MDFIC2: variants seen among roughly 807,000 people sequenced by gnomAD.
MDFIC2 encodes the protein myoD family inhibitor domain-containing protein 2.
chr3:70,224,036 T>C (rs1271458801), intron 2 of MDFIC2, among the ~76,000 whole-genome samples: 1 of 152,130 alleles, frequency 6.6e-6, no homozygotes, highest in Non-Finnish European at 1.5e-5. Flanking sequence ...TCCCCATATA[T>C]CTTGATCTCT....
chr3:70,226,737 TA>T (rs369777217), intron 2 of MDFIC2, among the ~76,000 whole-genome samples: 3,467 of 121,346 alleles, frequency 0.029, 106 homozygotes, highest in African/African-American at 0.084. Flanking sequence ...GACTCTGTCT[TA>T]AAAAAAAAAA....
intron 2 of MDFIC2, among the ~76,000 whole-genome samples, chr3:70,308,974 G>A (rs1242351432): frequency 6.6e-6 from 1 of 152,190 alleles, no homozygotes; most frequent in Non-Finnish European, 1.5e-5. Flanking sequence ...GTTCCAGAGG[G>A]AGGCAGCAGA....
chr3:70,200,452 C>T (rs1415580175), intron 3 of MDFIC2, among the ~76,000 whole-genome samples: 2 of 152,176 alleles, frequency 1.3e-5, no homozygotes, highest in Non-Finnish European at 2.9e-5. Context: ...TTGGAATGCA[C>T]ATGGCTCAGG....
chr3:70,228,252 G>A (rs1192839333), intron 2 of MDFIC2, among the ~76,000 whole-genome samples: 1 of 151,952 alleles, frequency 6.6e-6, no homozygotes, highest in Admixed American at 6.6e-5. Flanking sequence ...ATGCCAAGAT[G>A]CTGAAGAAAA....
At chr3:70,250,210 G>C (rs1351208971) in intron 2 of MDFIC2, among the ~76,000 whole-genome samples, 1 of 152,094 alleles carries the variant, frequency 6.6e-6, no homozygotes, top group Non-Finnish European at 1.5e-5. Flanking sequence ...AACTTCTTGA[G>C]TTGGGCCTCT....
At chr3:70,288,637 C>T (rs1207009353) in intron 2 of MDFIC2, among the ~76,000 whole-genome samples, 1 of 151,646 alleles carries the variant, frequency 6.6e-6, no homozygotes, top group Non-Finnish European at 1.5e-5. Flanking sequence ...TCTCGTTGAT[C>T]CGTCTAATGT....
intron 3 of MDFIC2, chr3:70,204,807 AGAGTGATTCTG>A (rs1297612390): frequency 1.3e-5 from 2 of 152,112 alleles, no homozygotes; most frequent in African/African-American, 4.8e-5. Context: ...AGGTCAGATC[AGAGTGATTCTG>A]GAGGGAAAGT....
chr3:70,237,683 T>C (rs1218134212), intron 2 of MDFIC2, among the ~76,000 whole-genome samples: 2 of 152,216 alleles, frequency 1.3e-5, no homozygotes, highest in Non-Finnish European at 2.9e-5. Context: ...AACCTTTTGT[T>C]ATCTAACATG....
At chr3:70,206,449 A>T (rs1289699878) in intron 3 of MDFIC2, 120 bp downstream of exon 3, 20 of 394,796 alleles carry the variant, frequency 5.1e-5, no homozygotes, top group Non-Finnish European at 1.8e-5. Flanking sequence ...TTTCAAATCG[A>T]AGTCTTCGTG....
At chr3:70,300,212 T>C (rs530790348) in intron 2 of MDFIC2, among the ~76,000 whole-genome samples, 1 of 152,178 alleles carries the variant, frequency 6.6e-6, no homozygotes, top group East Asian at 1.9e-4. Flanking sequence ...ACCTCAAATA[T>C]AGAGGTAAAC....
intron 2 of MDFIC2, among the ~76,000 whole-genome samples, chr3:70,286,716 T>G (rs1202935882): frequency 1.4e-4 from 22 of 152,226 alleles, no homozygotes; most frequent in Admixed American, 5.2e-4. Context: ...CCATTTCTTT[T>G]TATCCTCTTT....
intron 2 of MDFIC2, among the ~76,000 whole-genome samples, chr3:70,289,786 C>T (rs928666603): frequency 6.6e-6 from 1 of 152,046 alleles, no homozygotes; most frequent in African/African-American, 2.4e-5. Flanking sequence ...TCTAAACTTT[C>T]CTTCTCGCTT....
At chr3:70,299,328 G>A (rs1381346801) in intron 2 of MDFIC2, among the ~76,000 whole-genome samples, 2 of 145,154 alleles carry the variant, frequency 1.4e-5, no homozygotes, top group Non-Finnish European at 3.1e-5. Flanking sequence ...TGCGTTATTT[G>A]TATACACACA....
intron 2 of MDFIC2, among the ~76,000 whole-genome samples, chr3:70,213,997 A>G (rs918411410): frequency 6.6e-6 from 1 of 152,072 alleles, no homozygotes; most frequent in African/African-American, 2.4e-5. Context: ...GAAAAAATAT[A>G]TTTTCTTCTT....
intron 2 of MDFIC2, among the ~76,000 whole-genome samples, chr3:70,307,445 A>T (rs1361298634): frequency 6.6e-6 from 1 of 152,004 alleles, no homozygotes; most frequent in East Asian, 1.9e-4. Flanking sequence ...TGAAATGCTT[A>T]CCCAGAATGC....
In MDFIC2 at chr3:70,202,700, T is replaced by C. The variant is rs182162081; in HGVS notation, c.310+3869A>G. ...AGCAAAAAGCCATGACAAAAACCCC[T>C]TTGGGCTTCATTTCCTTTCTACACC... is the stretch of plus-strand genomic sequence containing the variant. On this transcript the variant is annotated intron_variant, in intron 3 of 3. Coordinates refer to ENST00000567252, the MANE Select transcript of MDFIC2 (RefSeq NM_001364677.1). Among the ~76,000 whole-genome samples, 321 of 152,166 alleles carry C rather than the reference T, an allele frequency of 2.1e-3. 1 individual carries two copies. Among genetic ancestry groups the C allele is most frequent in the African/African-American group, 7.3e-3 (304 of 41,516 alleles).
At chr3:70,238,200 G>A (rs140548848) in intron 2 of MDFIC2, among the ~76,000 whole-genome samples, 34 of 151,802 alleles carry the variant, frequency 2.2e-4, no homozygotes, top group Non-Finnish European at 3.2e-4. Context: ...CAATCCAGGC[G>A]TTCCCTGACA....
intron 2 of MDFIC2, among the ~76,000 whole-genome samples, chr3:70,290,813 AC>A (rs1702230092): frequency 6.6e-6 from 1 of 152,016 alleles, no homozygotes; most frequent in African/African-American, 2.4e-5. Flanking sequence ...GGTGGGAGTG[AC>A]CCGATTTTCC....
At chr3:70,264,170 T>C (rs1701893400) in intron 2 of MDFIC2, among the ~76,000 whole-genome samples, 1 of 152,252 alleles carries the variant, frequency 6.6e-6, no homozygotes, top group African/African-American at 2.4e-5. Context: ...CATTTATTCA[T>C]TTTAAAATAT....
Sources: gnomAD v4.1 joint callset for allele counts (sites outside exome capture counted in the v4.1 genomes callset) on GRCh38, gnomAD v4.1.1 for gene constraint, MANE v1.5 for transcripts, NCBI Gene and HGNC (gene_info 2026-07-23, HGNC 2026-07-21) for gene names.